CFDP1: variants seen among roughly 807,000 people sequenced by gnomAD.
The protein encoded by CFDP1 is heterochromatin-stabilizing protein CFDP1.
A neutral mutation model predicts 40.1 loss-of-function variants in CFDP1; 31 were observed. The ratio of observed to expected loss-of-function variants is 0.77; its 90% CI spans 0.58 to 1.04. The LOEUF (loss-of-function observed/expected upper bound fraction) is 1.04, where lower values mean the gene tolerates loss of function less well. Among genes scored for constraint, CFDP1 ranks in the 50% least tolerant of loss-of-function variants. The probability of loss-of-function intolerance (pLI) is 0.00; values close to 1 mark genes in which losing one functional copy is unlikely to be tolerated. For synonymous variants in CFDP1, 167 were observed against 120.0 expected (o/e 1.39, Z -2.56); for missense variants, 423 against 343.4 (o/e 1.23, Z -1.83).
At chr16:75,432,663 T>C (rs1397256439) in intron 1 of CFDP1, among the ~76,000 whole-genome samples, 1 of 152,138 alleles carries the variant, frequency 6.6e-6, no homozygotes, top group Non-Finnish European at 1.5e-5. Context: ...AAGATGTGAA[T>C]GGGTGAAGAT....
chr16:75,427,767 A>C (rs1305979969), intron 1 of CFDP1, among the ~76,000 whole-genome samples: 1 of 152,226 alleles, frequency 6.6e-6, no homozygotes, highest in Non-Finnish European at 1.5e-5. Flanking sequence ...ATGAAAACCC[A>C]TGTTCACAGA....
intron 5 of CFDP1, among the ~76,000 whole-genome samples, chr16:75,321,421 A>C (rs1189445838): frequency 6.6e-6 from 1 of 152,216 alleles, no homozygotes; most frequent in African/African-American, 2.4e-5. Flanking sequence ...CCTTATATCC[A>C]GTAGCAGTTA....
At chr16:75,300,179 G>A (rs778886712) in intron 6 of CFDP1, among the ~76,000 whole-genome samples, 1 of 152,222 alleles carries the variant, frequency 6.6e-6, no homozygotes, top group African/African-American at 2.4e-5. Flanking sequence ...GTACTGGGGT[G>A]GTGGTAGTGG....
rs546724752 is a variant in CFDP1 at position 75,301,536 on chromosome 16, C to CTTTTTTTTTTTTTT, written c.809+3474_809+3487dup. On this transcript the variant is annotated intron_variant, in intron 6 of 6. Transcript: ENST00000283882. ...TCTCAACATTAGAGTTTTGTTGTGT[C>CTTTTTTTTTTTTTT]TTTTTTTTTTTTTTTTTTTTTTTTT... Among the ~76,000 whole-genome samples, 13 of 53,968 alleles carry CTTTTTTTTTTTTTT rather than the reference C, an allele frequency of 2.4e-4. 1 individual carries two copies. Among genetic ancestry groups the CTTTTTTTTTTTTTT allele is most frequent in the African/African-American group, 6.9e-4 (10 of 14,508 alleles). The allele number at this position is 53,968 out of a possible 152,430, so 35.4% of individuals were successfully genotyped here.
intron 5 of CFDP1, among the ~76,000 whole-genome samples, chr16:75,374,416 A>C (rs1260571701): frequency 6.6e-6 from 1 of 152,202 alleles, no homozygotes; most frequent in Non-Finnish European, 1.5e-5. Context: ...CATTTATATA[A>C]ATAAAAAACA....
intron 5 of CFDP1, among the ~76,000 whole-genome samples, chr16:75,339,468 CTTCAGTTTG>C (rs146145178): frequency 0.022 from 3,356 of 152,148 alleles, 71 homozygotes; most frequent in African/African-American, 0.054. Context: ...TTTTCAGTTT[CTTCAGTTTG>C]GTGTTTCTTT....
chr16:75,425,344 G>A (rs568554630), intron 1 of CFDP1, among the ~76,000 whole-genome samples: 4 of 133,962 alleles, frequency 3.0e-5, no homozygotes, highest in Admixed American at 1.7e-4. Context: ...CAGAGATCGC[G>A]CCACTGCACT....
At chr16:75,409,913 T>C (rs1055115045) in intron 4 of CFDP1, among the ~76,000 whole-genome samples, 4 of 151,900 alleles carry the variant, frequency 2.6e-5, no homozygotes, top group African/African-American at 9.7e-5. Flanking sequence ...AAAAGTTTTG[T>C]TCCATACCAT....
intron 6 of CFDP1, among the ~76,000 whole-genome samples, chr16:75,301,272 G>T (rs774014316): frequency 6.6e-6 from 1 of 152,150 alleles, no homozygotes; most frequent in Non-Finnish European, 1.5e-5. Flanking sequence ...GAAGAGCCAA[G>T]ATTTGAATTG....
intron 4 of CFDP1, among the ~76,000 whole-genome samples, chr16:75,407,015 TCAAATAAA>T (rs1391167021): frequency 1.3e-5 from 2 of 152,166 alleles, no homozygotes; most frequent in South Asian, 2.1e-4. Context: ...AGACTCCATC[TCAAATAAA>T]CAAATAAACA....
chr16:75,384,793 G>T (rs1434520408), intron 5 of CFDP1, among the ~76,000 whole-genome samples: 1 of 127,014 alleles, frequency 7.9e-6, no homozygotes. Context: ...TATTGAACCT[G>T]GAGAGATGCC....
intron 4 of CFDP1, chr16:75,409,594 T>C (rs575473707): frequency 3.3e-5 from 5 of 152,360 alleles, no homozygotes; most frequent in Non-Finnish European, 7.3e-5. Context: ...GATAGTAATC[T>C]GCTCTAACAT....
At chr16:75,370,253 C>T (rs1031813601) in intron 5 of CFDP1, among the ~76,000 whole-genome samples, 1 of 151,716 alleles carries the variant, frequency 6.6e-6, no homozygotes, top group Non-Finnish European at 1.5e-5. Context: ...CCACCACACC[C>T]AGCTAATTTT....
chr16:75,408,921 G>A (rs1170900437), intron 4 of CFDP1, among the ~76,000 whole-genome samples: 1 of 151,474 alleles, frequency 6.6e-6, no homozygotes, highest in Admixed American at 6.6e-5. Context: ...GCAGTGGTAC[G>A]ATCTCGGCTC....
intron 5 of CFDP1, among the ~76,000 whole-genome samples, chr16:75,357,891 C>T (rs1039990202): frequency 6.6e-6 from 1 of 152,202 alleles, no homozygotes; most frequent in Non-Finnish European, 1.5e-5. Flanking sequence ...TCTTGGCTTT[C>T]AACATCTTTT....
rs181183742 is a variant in CFDP1, at chr16:75,311,678, T to G, written c.651-6496A>C. On this transcript the variant is annotated intron_variant, in intron 5 of 6. Coordinates refer to ENST00000283882, the MANE Select transcript of CFDP1 (RefSeq NM_006324.3). The stretch of plus-strand genomic sequence containing the variant: ...CTAATAGCCTGCATAATCACTAAAA[T>G]GCAACTTATTTGGAACAAAAATTCT... 2.4e-3 allele frequency among the ~76,000 whole-genome samples: 369 copies of G among 152,246 alleles called. 2 individuals are homozygous for G. Among genetic ancestry groups the G allele is most frequent in the African/African-American group, 8.1e-3 (338 of 41,554 alleles).
intron 5 of CFDP1, among the ~76,000 whole-genome samples, chr16:75,383,073 G>GA (rs1199875478): frequency 2.0e-5 from 3 of 152,166 alleles, no homozygotes; most frequent in Non-Finnish European, 4.4e-5. Flanking sequence ...TGTTTGATTA[G>GA]AATCTTCCAT....
chr16:75,329,380 C>A (rs530283243), intron 5 of CFDP1, among the ~76,000 whole-genome samples: 123 of 152,322 alleles, frequency 8.1e-4, no homozygotes, highest in African/African-American at 2.9e-3. Context: ...AGGACTGAGT[C>A]AGGCAATTGT....
chr16:75,365,498 G>A (rs2078707273), intron 5 of CFDP1, among the ~76,000 whole-genome samples: 1 of 152,144 alleles, frequency 6.6e-6, no homozygotes, highest in Non-Finnish European at 1.5e-5. Flanking sequence ...ATGGGTTATG[G>A]AGACAGTACT....
Sources: gnomAD v4.1 joint callset for allele counts (sites outside exome capture counted in the v4.1 genomes callset) on GRCh38, gnomAD v4.1.1 for gene constraint, MANE v1.5 for transcripts, NCBI Gene and HGNC (gene_info 2026-07-23, HGNC 2026-07-21) for gene names.